Variants in DGKB observed in about 807,000 individuals in gnomAD.
DGKB encodes diacylglycerol kinase beta.
A neutral mutation model predicts 114.3 loss-of-function variants in DGKB; 67 were observed. The ratio of observed to expected loss-of-function variants is 0.59; its 90% CI spans 0.48 to 0.72. The LOEUF (loss-of-function observed/expected upper bound fraction) is 0.72, where lower values mean the gene tolerates loss of function less well. Among genes scored for constraint, DGKB ranks in the 30% least tolerant of loss-of-function variants. The probability of loss-of-function intolerance (pLI) is 0.00; values close to 1 mark genes in which losing one functional copy is unlikely to be tolerated. For synonymous variants in DGKB, 398 were observed against 323.1 expected, an observed-to-expected ratio of 1.23 and a Z score of -2.49; for missense variants, 907 against 975.2, an observed-to-expected ratio of 0.93 and a Z score of 0.93.
intron 23 of DGKB, among the ~76,000 whole-genome samples, chr7:14,263,750 A>G (rs1481523916): frequency 6.7e-6 from 1 of 148,730 alleles, no homozygotes; most frequent in Non-Finnish European, 1.5e-5. Flanking sequence ...CCACTGTCCT[A>G]AGAATTGCTA....
At chr7:14,433,309 C>T (rs148806385) in intron 21 of DGKB, among the ~76,000 whole-genome samples, 2 of 152,150 alleles carry the variant, frequency 1.3e-5, no homozygotes, top group Admixed American at 6.6e-5. Context: ...TCCTCCACTG[C>T]TTTGCAGGTA....
intron 15 of DGKB, among the ~76,000 whole-genome samples, chr7:14,615,045 T>G (rs1378249310): frequency 6.6e-6 from 1 of 152,080 alleles, no homozygotes; most frequent in Non-Finnish European, 1.5e-5. Flanking sequence ...AAAACCTGTG[T>G]TCGATTTTCT....
chr7:14,162,979 G>A (rs1562504689), intron 25 of DGKB, among the ~76,000 whole-genome samples: 1 of 152,056 alleles, frequency 6.6e-6, no homozygotes, highest in East Asian at 1.9e-4. Flanking sequence ...GAAAATGACA[G>A]AGCTGCAAAA....
intron 23 of DGKB, among the ~76,000 whole-genome samples, chr7:14,281,033 A>G (rs1440348144): frequency 6.6e-6 from 1 of 150,412 alleles, no homozygotes; most frequent in Non-Finnish European, 1.5e-5. Context: ...ATGTAAATGG[A>G]CTAAATGCTC....
chr7:14,927,811 G>A (rs1334601955), intron 1 of DGKB, among the ~76,000 whole-genome samples: 1 of 151,822 alleles, frequency 6.6e-6, no homozygotes, highest in Non-Finnish European at 1.5e-5. Flanking sequence ...AGTAGCAGCT[G>A]ACTTACATTT....
intron 21 of DGKB, among the ~76,000 whole-genome samples, chr7:14,346,132 T>C (rs1180171232): frequency 6.6e-6 from 1 of 151,684 alleles, no homozygotes; most frequent in Non-Finnish European, 1.5e-5. Context: ...AACAAAGAAG[T>C]TTTTGTTATG....
chr7:14,200,940 T>C (rs1785775160), intron 23 of DGKB, among the ~76,000 whole-genome samples: 1 of 151,904 alleles, frequency 6.6e-6, no homozygotes, highest in Admixed American at 6.6e-5. Flanking sequence ...TTGACTAGGG[T>C]GTAGTTAAAA....
chr7:14,660,159 A>G (rs943961968), intron 13 of DGKB, among the ~76,000 whole-genome samples: 2 of 151,946 alleles, frequency 1.3e-5, no homozygotes, highest in Admixed American at 6.6e-5. Context: ...GGATATTTGC[A>G]TCAATGTTCC....
intron 23 of DGKB, among the ~76,000 whole-genome samples, chr7:14,260,202 C>T (rs1796567167): frequency 1.3e-5 from 2 of 151,792 alleles, no homozygotes; most frequent in South Asian, 4.2e-4. Context: ...GGACTGAAAT[C>T]TAGTCTTTTA....
chr7:14,275,535 A>G (rs558980131), intron 23 of DGKB, among the ~76,000 whole-genome samples: 1 of 152,306 alleles, frequency 6.6e-6, no homozygotes, highest in African/African-American at 2.4e-5. Context: ...TAATTGCAAC[A>G]TGTGGGAATG....
intron 1 of DGKB, among the ~76,000 whole-genome samples, chr7:14,920,330 G>C (rs748636103): frequency 2.6e-5 from 4 of 152,040 alleles, no homozygotes; most frequent in Admixed American, 1.3e-4. Flanking sequence ...TTTAAAAATG[G>C]GAAAAATATA....
At chr7:14,333,349 T>C (rs1006150498) in intron 23 of DGKB, among the ~76,000 whole-genome samples, 2 of 151,602 alleles carry the variant, frequency 1.3e-5, no homozygotes, top group African/African-American at 2.4e-5. Context: ...CAGTCCCAGC[T>C]ACTCTGGAGG....
chr7:14,175,490 A>G (rs1308093265), intron 25 of DGKB, among the ~76,000 whole-genome samples: 1 of 152,150 alleles, frequency 6.6e-6, no homozygotes, highest in Non-Finnish European at 1.5e-5. Context: ...CCTCTGGAAT[A>G]TAGCTTACAT....
chr7:14,487,162 G>A (rs1165944734), intron 20 of DGKB, among the ~76,000 whole-genome samples: 1 of 152,002 alleles, frequency 6.6e-6, no homozygotes, highest in African/African-American at 2.4e-5. Context: ...AATCGTTTCT[G>A]GATTTTTAAC....
intron 13 of DGKB, among the ~76,000 whole-genome samples, chr7:14,636,328 C>T (rs1019896455): frequency 6.6e-6 from 1 of 151,714 alleles, no homozygotes; most frequent in Non-Finnish European, 1.5e-5. Flanking sequence ...CAGAACCTTT[C>T]CTCTAAATGC....
chr7:14,342,165 C>A (rs570865030), intron 22 of DGKB, among the ~76,000 whole-genome samples: 9 of 151,884 alleles, frequency 5.9e-5, no homozygotes, highest in Admixed American at 2.6e-4. Flanking sequence ...TTCATTAATT[C>A]TTGAGATCAT....
At chr7:14,915,107 C>T (rs1056948645) in intron 1 of DGKB, among the ~76,000 whole-genome samples, 31 of 152,302 alleles carry the variant, frequency 2.0e-4, no homozygotes, top group African/African-American at 5.8e-4. Flanking sequence ...TGGCTCACAC[C>T]TGTGATTCCA....
chr7:14,496,807 G>C (rs566392264), intron 20 of DGKB, among the ~76,000 whole-genome samples: 1 of 151,862 alleles, frequency 6.6e-6, no homozygotes, highest in African/African-American at 2.4e-5. Flanking sequence ...ATAATAATTT[G>C]ATGACTAAAA....
At chr7:14,736,881 G>A (rs1220382673) in intron 4 of DGKB, among the ~76,000 whole-genome samples, 1 of 152,198 alleles carries the variant, frequency 6.6e-6, no homozygotes, top group African/African-American at 2.4e-5. Context: ...GGTGATGGAA[G>A]ACAACTTCCA....
Sources: gnomAD v4.1 joint callset for allele counts (sites outside exome capture counted in the v4.1 genomes callset) on GRCh38, gnomAD v4.1.1 for gene constraint, MANE v1.5 for transcripts, NCBI Gene and HGNC (gene_info 2026-07-23, HGNC 2026-07-21) for gene names.